KDM4C: variants seen among roughly 807,000 people sequenced by gnomAD.
The protein encoded by KDM4C is lysine demethylase 4C, also known as lysine-specific demethylase 4C.
In KDM4C, 81 loss-of-function variants were observed where a neutral mutation model predicts 129.3. That is an observed-to-expected ratio of 0.63 (90% CI 0.52 to 0.75). The LOEUF is 0.75. Ranked by LOEUF, KDM4C falls within the 30% of genes least tolerant of loss-of-function variation. The pLI is 0.00. For synonymous variants in KDM4C, 573 were observed against 456.1 expected (o/e 1.26, Z -3.26); for missense variants, 1,457 against 1,304.0 (o/e 1.12, Z -1.81).
chr9:6,843,700 G>A (rs926310505), intron 4 of KDM4C, among the ~76,000 whole-genome samples: 1 of 152,134 alleles, frequency 6.6e-6, no homozygotes, highest in Non-Finnish European at 1.5e-5. Flanking sequence ...GTGCAGCATG[G>A]TGCTATTCTG....
At chr9:6,934,276 T>G (rs1189418609) in intron 8 of KDM4C, among the ~76,000 whole-genome samples, 1 of 151,710 alleles carries the variant, frequency 6.6e-6, no homozygotes, top group African/African-American at 2.4e-5. Context: ...AGTCAGGAGA[T>G]TGAGACTATC....
chr9:6,776,310 C>G (rs909971882), intron 1 of KDM4C, among the ~76,000 whole-genome samples: 1 of 152,162 alleles, frequency 6.6e-6, no homozygotes, highest in Non-Finnish European at 1.5e-5. Flanking sequence ...TGTTGCCAGG[C>G]TGGAGTGCAG....
intron 8 of KDM4C, among the ~76,000 whole-genome samples, chr9:6,930,289 C>T (rs990188970): frequency 2.6e-5 from 4 of 152,170 alleles, no homozygotes; most frequent in Non-Finnish European, 5.9e-5. Context: ...CTGCCCCATT[C>T]TGACACTATT....
chr9:6,838,333 A>G (rs779734366), intron 4 of KDM4C, among the ~76,000 whole-genome samples: 1 of 152,128 alleles, frequency 6.6e-6, no homozygotes, highest in Non-Finnish European at 1.5e-5. Context: ...TCTTCCCGGT[A>G]TGCACAGTGA....
At chr9:6,855,808 A>G (rs145899655) in intron 5 of KDM4C, among the ~76,000 whole-genome samples, 8 of 152,322 alleles carry the variant, frequency 5.3e-5, no homozygotes, top group African/African-American at 1.7e-4. Flanking sequence ...AAATTGATCT[A>G]AGCTTGTTTA....
At chr9:6,849,448 C>G (rs1294198622) in intron 4 of KDM4C, 59 bp from the exon 5 acceptor site, 1 of 1,379,580 alleles carries the variant, frequency 7.2e-7, no homozygotes, top group African/African-American at 1.4e-5. Flanking sequence ...TTAGTAAATG[C>G]TATCTTTCAT....
intron 18 of KDM4C, among the ~76,000 whole-genome samples, chr9:7,108,224 C>A (rs781689971): frequency 6.6e-6 from 1 of 152,036 alleles, no homozygotes; most frequent in African/African-American, 2.4e-5. Flanking sequence ...TCAGCACTTA[C>A]TGAATGCTTT....
rs185245203 is a variant in KDM4C, at chr9:7,153,646, T to A, written c.2782-11592T>A. On this transcript the variant is annotated intron_variant, in intron 19 of 21. Coordinates refer to ENST00000381309, the MANE Select transcript of KDM4C (RefSeq NM_015061.6). ...AAGTGAGAGGTTTCTTTCCATTTTG[T>A]GGGAGGAGGGATCTGTCATCATGCA... Among the ~76,000 whole-genome samples, 115 of 152,206 alleles carry A rather than the reference T, an allele frequency of 7.6e-4. 1 individual carries two copies. The highest frequency in any genetic ancestry group is 2.2e-3 in the African/African-American group (92 of 41,534).
intron 1 of KDM4C, among the ~76,000 whole-genome samples, chr9:6,747,539 CAAAAA>C (rs35996555): frequency 3.1e-5 from 3 of 98,004 alleles, no homozygotes; most frequent in Admixed American, 1.1e-4. Context: ...CAGGGCGATT[CAAAAA>C]AAAAAAAAAA....
chr9:6,915,775 GT>G (rs1381391684), intron 8 of KDM4C, among the ~76,000 whole-genome samples: 2 of 152,164 alleles, frequency 1.3e-5, no homozygotes, highest in African/African-American at 4.8e-5. Context: ...GAAAGGGCTA[GT>G]TTTACACTTC....
chr9:6,953,476 A>G (rs1428717930), intron 8 of KDM4C, among the ~76,000 whole-genome samples: 3 of 152,210 alleles, frequency 2.0e-5, no homozygotes, highest in East Asian at 3.8e-4. Context: ...TTGTCTTTCA[A>G]ATTGCTCTGG....
intron 17 of KDM4C, among the ~76,000 whole-genome samples, chr9:7,066,887 C>T (rs12002543): frequency 0.077 from 11,694 of 152,208 alleles, 616 homozygotes; most frequent in East Asian, 0.2. Context: ...CCTCTTCTTA[C>T]GTTTCTCAAA....
chr9:6,732,888 C>T (rs1219336317), intron 1 of KDM4C, among the ~76,000 whole-genome samples: 1 of 152,338 alleles, frequency 6.6e-6, no homozygotes. Flanking sequence ...TGGCACACGC[C>T]TGTAGTCCCA....
At chr9:6,793,156 A>G (rs1403264972) in intron 2 of KDM4C, 24 bp downstream of exon 2, 2 of 1,600,258 alleles carry the variant, frequency 1.2e-6, no homozygotes, top group South Asian at 1.1e-5. Context: ...GATGCTTTAA[A>G]TGAAAAACAA....
chr9:6,835,382 A>T, intron 4 of KDM4C: 1 of 1,111,560 alleles, frequency 9.0e-7, no homozygotes, highest in Non-Finnish European at 1.4e-6. Flanking sequence ...AGCGTTGCCA[A>T]CAGGATGCAG....
At chr9:6,916,119 G>T (rs890636719) in intron 8 of KDM4C, among the ~76,000 whole-genome samples, 1 of 152,142 alleles carries the variant, frequency 6.6e-6, no homozygotes, top group African/African-American at 2.4e-5. Flanking sequence ...GAGTAAAGAT[G>T]GGGGCTAGAT....
intron 4 of KDM4C, chr9:6,835,030 A>G: frequency 4.2e-6 from 4 of 943,892 alleles, no homozygotes; most frequent in South Asian, 2.6e-5. Flanking sequence ...GAAGATCCTT[A>G]CCGAGCGTGG....
chr9:7,044,453 G>C (rs1231321124), intron 15 of KDM4C, among the ~76,000 whole-genome samples: 1 of 151,856 alleles, frequency 6.6e-6, no homozygotes, highest in Non-Finnish European at 1.5e-5. Context: ...CAATAGTTTA[G>C]GTCTGGTGAA....
intron 4 of KDM4C, 76 bp from the exon 5 acceptor site, chr9:6,849,431 G>T: frequency 7.9e-7 from 1 of 1,261,742 alleles, no homozygotes; most frequent in South Asian, 1.8e-5. Flanking sequence ...GGTGGATAGT[G>T]GTTTGATTAG....
Sources: allele counts gnomAD v4.1 joint callset (sites outside exome capture counted in the v4.1 genomes callset), GRCh38; gene constraint gnomAD v4.1.1; transcripts MANE v1.5; gene names NCBI Gene and HGNC (gene_info 2026-07-23, HGNC 2026-07-21).